Variants in CSMD1 observed in about 807,000 individuals in gnomAD.
The protein encoded by CSMD1 is CUB and sushi domain-containing protein 1.
In CSMD1, 213 loss-of-function variants were observed where a neutral mutation model predicts 417.5. That is an observed-to-expected ratio of 0.51 (90% CI 0.46 to 0.57). The LOEUF (loss-of-function observed/expected upper bound fraction) is 0.57, where lower values mean the gene tolerates loss of function less well. CSMD1 is among the 20% of genes least tolerant of loss of function. The pLI, the probability that CSMD1 is intolerant of heterozygous loss-of-function variation, is 0.00. For missense variants in CSMD1, 6,923 were observed against 4,529.7 expected (o/e 1.53, Z -15.17); for synonymous variants, 2,862 against 1,736.8 (o/e 1.65, Z -16.11).
intron 3 of CSMD1, among the ~76,000 whole-genome samples, chr8:4,326,304 G>A (rs931258579): frequency 3.3e-5 from 5 of 152,094 alleles, no homozygotes; most frequent in South Asian, 2.1e-4. Flanking sequence ...CAAGGACAGC[G>A]GATAAGTCCT....
In CSMD1 at chr8:4,045,062, G is replaced by A. The variant is rs533062720; in HGVS notation, c.416-12963C>T. Among the ~76,000 whole-genome samples the A allele has an allele frequency of 2.4e-4, 37 of 152,288 alleles. No homozygotes were observed. In the East Asian group the frequency reaches 6.8e-3, roughly 28 times the overall value. On this transcript the variant is annotated intron_variant, in intron 3 of 69. Transcript: ENST00000635120. Reference sequence around the variant, plus strand: ...AAGCTGATTTACAGGAAAGCCTTGTGCCTGAGGTATGGTGTGGAGGCCACA... The same window carrying A: ...AAGCTGATTTACAGGAAAGCCTTGTACCTGAGGTATGGTGTGGAGGCCACA...
intron 21 of CSMD1, among the ~76,000 whole-genome samples, chr8:3,357,637 T>C (rs1325022107): frequency 6.6e-6 from 1 of 152,224 alleles, no homozygotes; most frequent in Non-Finnish European, 1.5e-5. Context: ...GACTACTGAC[T>C]GTTACATATC....
At chr8:4,163,212 A>T (rs1018905453) in intron 3 of CSMD1, among the ~76,000 whole-genome samples, 5 of 152,172 alleles carry the variant, frequency 3.3e-5, no homozygotes, top group Non-Finnish European at 1.5e-5. Flanking sequence ...CAGGTTTTTC[A>T]GTACACGTAA....
intron 3 of CSMD1, among the ~76,000 whole-genome samples, chr8:4,339,748 G>C (rs569232239): frequency 1.3e-5 from 2 of 152,232 alleles, no homozygotes; most frequent in East Asian, 1.9e-4. Flanking sequence ...AAAAAGCTGA[G>C]TGCAGGGGCT....
intron 12 of CSMD1, among the ~76,000 whole-genome samples, chr8:3,419,419 T>C (rs1585137142): frequency 6.6e-6 from 1 of 152,250 alleles, no homozygotes; most frequent in Non-Finnish European, 1.5e-5. Context: ...AAATTTACTA[T>C]TCTAGAATTT....
intron 1 of CSMD1, among the ~76,000 whole-genome samples, chr8:4,763,852 C>T (rs915787417): frequency 6.6e-6 from 1 of 152,098 alleles, no homozygotes; most frequent in African/African-American, 2.4e-5. Context: ...AAATATTTTC[C>T]TGAACGGAAA....
chr8:4,887,993 G>A (rs1367000591), intron 1 of CSMD1, among the ~76,000 whole-genome samples: 2 of 151,796 alleles, frequency 1.3e-5, no homozygotes, highest in Admixed American at 1.3e-4. Flanking sequence ...AACAATATAG[G>A]CTTACATGCC....
At chr8:4,367,830 G>T (rs1002195212) in intron 3 of CSMD1, among the ~76,000 whole-genome samples, 1 of 152,090 alleles carries the variant, frequency 6.6e-6, no homozygotes, top group South Asian at 2.1e-4. Context: ...TTTTTAAATA[G>T]GATTGTGTTC....
intron 10 of CSMD1, among the ~76,000 whole-genome samples, chr8:3,529,822 G>T (rs1365031073): frequency 1.3e-5 from 2 of 152,216 alleles, no homozygotes; most frequent in African/African-American, 2.4e-5. Flanking sequence ...CCCACTCTCA[G>T]TGATCTGTAA....
chr8:4,972,303 T>A (rs1810287093), intron 1 of CSMD1, among the ~76,000 whole-genome samples: 1 of 152,090 alleles, frequency 6.6e-6, no homozygotes, highest in South Asian at 2.1e-4. Context: ...CATCTTGAAT[T>A]GTAATCCCCT....
chr8:4,726,253 C>A (rs982221216), intron 1 of CSMD1, among the ~76,000 whole-genome samples: 1 of 151,878 alleles, frequency 6.6e-6, no homozygotes, highest in African/African-American at 2.4e-5. Context: ...TGTGTTTCTA[C>A]AGCCTTGCCC....
At chr8:4,035,075 G>A (rs964115044) in intron 3 of CSMD1, among the ~76,000 whole-genome samples, 34 of 152,068 alleles carry the variant, frequency 2.2e-4, no homozygotes, top group Admixed American at 2.1e-3. Flanking sequence ...AAAGATCAAC[G>A]AAACATTCTA....
intron 3 of CSMD1, among the ~76,000 whole-genome samples, chr8:4,304,997 T>C (rs1440757607): frequency 6.6e-6 from 1 of 152,188 alleles, no homozygotes; most frequent in Non-Finnish European, 1.5e-5. Context: ...ATGCCTGTTC[T>C]TACAGGACCC....
intron 3 of CSMD1, among the ~76,000 whole-genome samples, chr8:4,356,231 T>G (rs1383610989): frequency 1.3e-5 from 2 of 152,148 alleles, no homozygotes; most frequent in East Asian, 3.9e-4. Context: ...CTGAGTTACT[T>G]CACTTAGAAC....
At chr8:4,049,196 C>A (rs2740894) in intron 3 of CSMD1, among the ~76,000 whole-genome samples, 137,347 of 152,030 alleles carry the variant, frequency 0.9, 62,219 homozygotes, top group East Asian at 0.99. Flanking sequence ...GGTGTTGCGT[C>A]TTTCTCTATC....
At chr8:4,037,778 G>C (rs575840825) in intron 3 of CSMD1, among the ~76,000 whole-genome samples, 10 of 151,978 alleles carry the variant, frequency 6.6e-5, no homozygotes, top group African/African-American at 1.9e-4. Flanking sequence ...ATAGTTCTGA[G>C]GGCCTTGAAC....
chr8:4,734,997 G>C (rs1035007729), intron 1 of CSMD1, among the ~76,000 whole-genome samples: 3 of 152,222 alleles, frequency 2.0e-5, no homozygotes, highest in African/African-American at 7.2e-5. Flanking sequence ...AGATGTTGCT[G>C]AGAAGTGCTC....
chr8:3,107,592 C>T (rs999018139), intron 45 of CSMD1, 126 bp downstream of exon 45: 1 of 377,170 alleles, frequency 2.7e-6, no homozygotes, highest in Non-Finnish European at 4.3e-6. Context: ...ATAGTTTGTT[C>T]TTTGTTTCTG....
intron 7 of CSMD1, among the ~76,000 whole-genome samples, chr8:3,695,145 T>C (rs1310000295): frequency 7.0e-6 from 1 of 143,486 alleles, no homozygotes; most frequent in East Asian, 2.1e-4. Flanking sequence ...TACAAGGATA[T>C]TGCAGGAGCA....
Sources: gnomAD v4.1 joint callset for allele counts (sites outside exome capture counted in the v4.1 genomes callset) on GRCh38, gnomAD v4.1.1 for gene constraint, MANE v1.5 for transcripts, NCBI Gene and HGNC (gene_info 2026-07-23, HGNC 2026-07-21) for gene names.